The following ASB3 variants were observed in gnomAD, a reference collection of about 807,000 sequenced individuals.
The protein encoded by ASB3 is ankyrin repeat and SOCS box containing 3.
A neutral mutation model predicts 54.5 loss-of-function variants in ASB3; 41 were observed. The observed-to-expected ratio is 0.75, with a 90% CI of 0.59 to 0.98. The LOEUF (loss-of-function observed/expected upper bound fraction) is 0.98. Ranked by LOEUF, ASB3 falls within the 50% of genes least tolerant of loss-of-function variation. ASB3 has a pLI of 0.00. For missense variants in ASB3, 733 were observed against 620.0 expected, an observed-to-expected ratio of 1.18 and a Z score of -1.94; for synonymous variants, 266 against 221.2, an observed-to-expected ratio of 1.20 and a Z score of -1.80.
chr2:53,782,253 C>T (rs774215350), intron 1 of ASB3, among the ~76,000 whole-genome samples: 14 of 152,218 alleles, frequency 9.2e-5, no homozygotes, highest in African/African-American at 3.1e-4. Context: ...CATTTTCCTC[C>T]GCTTCCTAAC....
intron 5 of ASB3, among the ~76,000 whole-genome samples, chr2:53,719,497 G>C (rs1284493335): frequency 2.6e-5 from 4 of 152,080 alleles, no homozygotes; most frequent in Non-Finnish European, 5.9e-5. Context: ...TCTGCGACCA[G>C]AGACATGCTA....
At chr2:53,754,144 A>T (rs1180335909) in intron 2 of ASB3, among the ~76,000 whole-genome samples, 1 of 152,232 alleles carries the variant, frequency 6.6e-6, no homozygotes, top group Non-Finnish European at 1.5e-5. Flanking sequence ...CCTATGACCA[A>T]AACAATATGA....
At chr2:53,731,164 G>T (rs962818129) in intron 3 of ASB3, among the ~76,000 whole-genome samples, 1 of 152,194 alleles carries the variant, frequency 6.6e-6, no homozygotes, top group Admixed American at 6.5e-5. Context: ...CACTTTGGGA[G>T]GCTAAGGCGG....
At chr2:53,719,657 T>C (rs1017132049) in intron 5 of ASB3, among the ~76,000 whole-genome samples, 1 of 151,720 alleles carries the variant, frequency 6.6e-6, no homozygotes, top group Non-Finnish European at 1.5e-5. Flanking sequence ...TCCAAGCTTG[T>C]GATAAGCCCC....
intron 7 of ASB3, among the ~76,000 whole-genome samples, chr2:53,711,782 A>C (rs570252778): frequency 6.4e-4 from 97 of 152,056 alleles, no homozygotes; most frequent in Non-Finnish European, 1.3e-3. Context: ...AAAAAAAAAA[A>C]GGAAAAAGAA....
Position 53,716,697 on chromosome 2 carries a change from G to A in ASB3, c.651C>T (p.Phe217=). The change falls in exon 6 of 10, where the codon TTC becomes TTT. Residue 217 remains phenylalanine, a synonymous_variant. Coordinates refer to ENST00000263634, the MANE Select transcript of ASB3 (RefSeq NM_016115.5). ...CQALDKATPL[F]IAAQEGHTKC... ...TTGTGTGTCCCTCTTGAGCAGCAAT[G>A]AACAAGGGTGTAGCTTTGTCCAAGG... is the stretch of plus-strand genomic sequence containing the variant. The A allele has an allele frequency of 1.2e-6, 2 of 1,614,108 alleles. No individual in the cohort carries two copies. The highest frequency in any genetic ancestry group is 1.3e-5 in the African/African-American group (1 of 75,028).
At chr2:53,694,625 C>T (rs1357602659) in intron 8 of ASB3, 1 of 152,124 alleles carries the variant, frequency 6.6e-6, no homozygotes, top group Non-Finnish European at 1.5e-5. Context: ...ACGTCAGATT[C>T]CCTACCAACC....
At chr2:53,751,497 G>A (rs1265794432) in intron 2 of ASB3, among the ~76,000 whole-genome samples, 1 of 151,950 alleles carries the variant, frequency 6.6e-6, no homozygotes, top group African/African-American at 2.4e-5. Context: ...CATATAATAA[G>A]GAATTTATGA....
In ASB3 at chr2:53,724,845, A is replaced by G. The variant is rs566692992; in HGVS notation, c.604+3867T>C. On this transcript the variant is annotated intron_variant, in intron 5 of 9. Transcript: ENST00000263634. ...TTATACATTCTTGGTGGGAATGTAA[A>G]TTAGTTCAGCCACAGTGGAAAGCAG... Among the ~76,000 whole-genome samples, 571 of 152,340 alleles carry G rather than the reference A, an allele frequency of 3.7e-3. 4 individuals are homozygous for G. In the Middle Eastern group the frequency reaches 0.044, roughly 12 times the overall value.
At chr2:53,766,254 T>C (rs79707276) in intron 1 of ASB3, among the ~76,000 whole-genome samples, 212 of 152,334 alleles carry the variant, frequency 1.4e-3, no homozygotes, top group African/African-American at 4.3e-3. Context: ...CAGAAAGTTC[T>C]TAACAGAGTT....
chr2:53,766,079 A>C (rs930123522), intron 1 of ASB3, among the ~76,000 whole-genome samples: 9 of 152,218 alleles, frequency 5.9e-5, no homozygotes, highest in African/African-American at 2.2e-4. Flanking sequence ...CCAGAAAAGC[A>C]GTGAAAGATA....
chr2:53,681,898 G>T (rs946849099), intron 9 of ASB3, among the ~76,000 whole-genome samples: 6 of 152,168 alleles, frequency 3.9e-5, no homozygotes, highest in African/African-American at 1.4e-4. Flanking sequence ...GGTGGCTCAT[G>T]CCTGTAATCC....
chr2:53,687,216 C>A (rs1046902512), intron 9 of ASB3, among the ~76,000 whole-genome samples: 2 of 151,874 alleles, frequency 1.3e-5, no homozygotes, highest in Admixed American at 6.6e-5. Flanking sequence ...CAGTTGGAAC[C>A]CTGTTAAAAT....
intron 9 of ASB3, among the ~76,000 whole-genome samples, chr2:53,677,298 T>G (rs887043722): frequency 5.3e-5 from 8 of 152,216 alleles, no homozygotes; most frequent in Non-Finnish European, 7.3e-5. Flanking sequence ...AAAGCACTTC[T>G]CAGACTGTAT....
At chr2:53,687,253 T>TAAAAA (rs895944686) in intron 9 of ASB3, among the ~76,000 whole-genome samples, 1 of 145,892 alleles carries the variant, frequency 6.9e-6, no homozygotes, top group South Asian at 2.2e-4. Flanking sequence ...AATTTCTCGC[T>TAAAAA]AAAAAAAAAA....
chr2:53,691,245 T>C (rs945010479), intron 9 of ASB3, among the ~76,000 whole-genome samples: 7 of 152,142 alleles, frequency 4.6e-5, no homozygotes, highest in Admixed American at 4.6e-4. Flanking sequence ...AGTTGCTACT[T>C]ACTTAGGGAG....
intron 2 of ASB3, among the ~76,000 whole-genome samples, chr2:53,754,899 C>T (rs1190424117): frequency 6.6e-6 from 1 of 152,186 alleles, no homozygotes; most frequent in Non-Finnish European, 1.5e-5. Flanking sequence ...AAACTGCTTT[C>T]CTTAAACTGA....
intron 9 of ASB3, among the ~76,000 whole-genome samples, chr2:53,675,374 A>G (rs979910375): frequency 6.6e-6 from 1 of 152,226 alleles, no homozygotes; most frequent in African/African-American, 2.4e-5. Flanking sequence ...TAAGATATAT[A>G]CTTTAAATAA....
rs369689321 is a variant in ASB3, at chr2:53,746,473, G to C, written c.355+4310C>G. ...CCCATTCTTCCACACACTGTTTTTT[G>C]GGGGGTTTTTTCTTTTTTTTTTTTT... On this transcript the variant is annotated intron_variant, in intron 3 of 9. Coordinates refer to ENST00000263634, the MANE Select transcript of ASB3 (RefSeq NM_016115.5). 6.1e-5 allele frequency among the ~76,000 whole-genome samples: 9 copies of C among 147,212 alleles called. 1 individual carries two copies. Among genetic ancestry groups the C allele is most frequent in the African/African-American group, 2.4e-4 (9 of 38,220 alleles).
Sources: allele counts gnomAD v4.1 joint callset (sites outside exome capture counted in the v4.1 genomes callset), GRCh38; gene constraint gnomAD v4.1.1; transcripts MANE v1.5; gene names NCBI Gene and HGNC (gene_info 2026-07-23, HGNC 2026-07-21).